Variants in PCDH15 observed in about 807,000 individuals in gnomAD.
PCDH15 encodes the protein protocadherin-15.
In PCDH15, 129 loss-of-function variants were observed where a neutral mutation model predicts 178.5. The ratio of observed to expected loss-of-function variants is 0.72; its 90% CI spans 0.63 to 0.84. The LOEUF is 0.84. Among genes scored for constraint, PCDH15 ranks in the 40% least tolerant of loss-of-function variants. PCDH15 has a pLI of 0.00. For synonymous variants in PCDH15, 800 were observed against 732.0 expected (o/e 1.09, Z -1.50); for missense variants, 2,230 against 2,099.9 (o/e 1.06, Z -1.21).
At chr10:54,708,120 T>C (rs2095385856) in intron 1 of PCDH15, among the ~76,000 whole-genome samples, 1 of 152,162 alleles carries the variant, frequency 6.6e-6, no homozygotes, top group Non-Finnish European at 1.5e-5. Flanking sequence ...AAACATCAAG[T>C]TATGCATATT....
intron 2 of PCDH15, among the ~76,000 whole-genome samples, chr10:54,934,775 C>A (rs1033688145): frequency 4.7e-4 from 71 of 151,910 alleles, no homozygotes; most frequent in Non-Finnish European, 8.5e-4. Context: ...AAGACACATG[C>A]ACACGTATGT....
At chr10:53,977,452 C>T (rs1037499166) in intron 21 of PCDH15, among the ~76,000 whole-genome samples, 2 of 152,168 alleles carry the variant, frequency 1.3e-5, no homozygotes, top group Non-Finnish European at 2.9e-5. Context: ...GATCCTAGAC[C>T]AAACCCCTGA....
chr10:54,482,435 C>A, intron 3 of PCDH15, among the ~76,000 whole-genome samples: 1 of 151,770 alleles, frequency 6.6e-6, no homozygotes, highest in East Asian at 1.9e-4. Context: ...CCCAGAAAAT[C>A]AGCATAATTT....
chr10:55,205,164 T>G (rs894166756), intron 1 of PCDH15, among the ~76,000 whole-genome samples: 3 of 152,040 alleles, frequency 2.0e-5, no homozygotes, highest in Non-Finnish European at 4.4e-5. Flanking sequence ...AAAGAAATAT[T>G]AAAATAAACC....
At chr10:53,992,904 A>T (rs1911419) in intron 21 of PCDH15, among the ~76,000 whole-genome samples, 35,402 of 151,996 alleles carry the variant, frequency 0.23, 4,487 homozygotes, top group East Asian at 0.51. Context: ...CAAAACATGT[A>T]TTTTATAATT....
intron 3 of PCDH15, among the ~76,000 whole-genome samples, chr10:54,864,086 T>C (rs1187209657): frequency 6.6e-6 from 1 of 152,128 alleles, no homozygotes; most frequent in African/African-American, 2.4e-5. Flanking sequence ...AAAATGAAGG[T>C]TTTATAAATT....
At chr10:54,628,573 G>A (rs192849854) in intron 2 of PCDH15, among the ~76,000 whole-genome samples, 13 of 152,212 alleles carry the variant, frequency 8.5e-5, no homozygotes, top group South Asian at 6.2e-4. Flanking sequence ...CCAGTAATTC[G>A]TCTAAATTTA....
chr10:55,352,295 A>G (rs1844958371), intron 2 of PCDH15, among the ~76,000 whole-genome samples: 1 of 152,144 alleles, frequency 6.6e-6, no homozygotes, highest in Non-Finnish European at 1.5e-5. Flanking sequence ...GTTAGACAAA[A>G]AGCAAATTTG....
intron 2 of PCDH15, among the ~76,000 whole-genome samples, chr10:55,383,467 C>G (rs536701077): frequency 2.3e-4 from 35 of 152,070 alleles, no homozygotes; most frequent in Non-Finnish European, 4.3e-4. Context: ...GCCACAATTT[C>G]CAGGCTGCAG....
intron 2 of PCDH15, among the ~76,000 whole-genome samples, chr10:54,531,851 C>T (rs1003274509): frequency 6.6e-6 from 1 of 152,072 alleles, no homozygotes; most frequent in Admixed American, 6.6e-5. Flanking sequence ...CAAATCGCAT[C>T]CCAGTTGCTA....
chr10:55,002,016 A>G (rs1591829158), intron 2 of PCDH15, among the ~76,000 whole-genome samples: 1 of 152,232 alleles, frequency 6.6e-6, no homozygotes, highest in East Asian at 1.9e-4. Context: ...ATGTGTCTTC[A>G]TGAAAACAAA....
rs185288680 is a variant in PCDH15 at position 54,001,432 on chromosome 10, T to C, written c.2752-5667A>G. Among the ~76,000 whole-genome samples the C allele has an allele frequency of 1.8e-3, 271 of 152,086 alleles. 1 individual carries two copies. Among genetic ancestry groups the C allele is most frequent in the African/African-American group, 5.9e-3 (244 of 41,524 alleles). ...AGAAACAATAAAAACTTAAAAAGCATGGAGATGAAGTATAGAGTTTTTATT... is the reference window on the plus strand; with the variant it reads ...AGAAACAATAAAAACTTAAAAAGCACGGAGATGAAGTATAGAGTTTTTATT... On this transcript the variant is annotated intron_variant, in intron 20 of 37. Transcript: ENST00000644397.
intron 1 of PCDH15, among the ~76,000 whole-genome samples, chr10:54,689,065 G>A (rs1226671713): frequency 6.6e-6 from 1 of 151,964 alleles, no homozygotes; most frequent in African/African-American, 2.4e-5. Context: ...TGCTTTCTCA[G>A]TAACGTTTCC....
chr10:54,266,290 C>T (rs1352566048), intron 8 of PCDH15, among the ~76,000 whole-genome samples: 2 of 151,604 alleles, frequency 1.3e-5, no homozygotes, highest in East Asian at 3.9e-4. Flanking sequence ...GAACAAAAAC[C>T]TCTGGGATGC....
intron 1 of PCDH15, among the ~76,000 whole-genome samples, chr10:55,190,360 T>A (rs1172750461): frequency 6.6e-6 from 1 of 151,680 alleles, no homozygotes; most frequent in Non-Finnish European, 1.5e-5. Flanking sequence ...TCCAGGGGTA[T>A]ATATATGAAA....
intron 2 of PCDH15, among the ~76,000 whole-genome samples, chr10:55,555,642 G>A (rs1159158734): frequency 6.6e-6 from 1 of 152,108 alleles, no homozygotes; most frequent in African/African-American, 2.4e-5. Context: ...AAGGAGAAAT[G>A]TAACTATAGA....
intron 2 of PCDH15, among the ~76,000 whole-genome samples, chr10:54,940,241 T>C (rs1052987419): frequency 1.4e-4 from 21 of 152,166 alleles, no homozygotes; most frequent in African/African-American, 3.9e-4. Context: ...TGTGTTTCCA[T>C]TTTATCTCAA....
Position 53,822,006 on chromosome 10 carries a change from T to C in PCDH15, c.4368-1776A>G. ...AAGTTCTGAAACATTTGTGCGTAGA[T>C]AGTTTTTTTCTATTTGACTGTACAT... On this transcript the variant is annotated intron_variant, in intron 32 of 37. Transcript: ENST00000644397. 8 of 1,613,912 alleles carry C rather than the reference T, an allele frequency of 5.0e-6. No individual in the cohort carries two copies. The East Asian group carries it at 6.7e-5, about 13-fold the overall frequency.
At chr10:54,996,020 C>T (rs1429837156) in intron 2 of PCDH15, among the ~76,000 whole-genome samples, 1 of 152,148 alleles carries the variant, frequency 6.6e-6, no homozygotes, top group Non-Finnish European at 1.5e-5. Flanking sequence ...TATTCATTGT[C>T]TCAATGATTG....
Sources: gnomAD v4.1 joint callset for allele counts (sites outside exome capture counted in the v4.1 genomes callset) on GRCh38, gnomAD v4.1.1 for gene constraint, MANE v1.5 for transcripts, NCBI Gene and HGNC (gene_info 2026-07-23, HGNC 2026-07-21) for gene names.